NUP155: variants seen among roughly 807,000 people sequenced by gnomAD.
NUP155 encodes the protein nuclear pore complex protein Nup155.
NUP155 carries 71 observed loss-of-function variants against 180.4 expected under a neutral mutation model. The observed-to-expected ratio is 0.39, with a 90% CI of 0.33 to 0.48. The LOEUF (loss-of-function observed/expected upper bound fraction) is 0.48. Ranked by LOEUF, NUP155 falls within the 20% of genes least tolerant of loss-of-function variation. NUP155 has a pLI of 0.91. For missense variants in NUP155, 1,553 were observed against 1,648.9 expected (o/e 0.94, Z 1.01); for synonymous variants, 582 against 559.5 (o/e 1.04, Z -0.57).
chr5:37,369,754 C>T (rs1747842378), intron 1 of NUP155, among the ~76,000 whole-genome samples: 1 of 152,180 alleles, frequency 6.6e-6, no homozygotes, highest in Non-Finnish European at 1.5e-5. Flanking sequence ...GTTTACACTG[C>T]ACAAATTATC....
rs1342521412 is a variant in NUP155 at position 37,303,273 on chromosome 5, C to T, written c.3304G>A (p.Ala1102Thr). Reference sequence around the variant, plus strand: ...ATTATGCCATACCTATGCATGTCAGCCAGTCTGGACAGTACACGAGCAGCA... The same window carrying T: ...ATTATGCCATACCTATGCATGTCAGTCAGTCTGGACAGTACACGAGCAGCA... ...SNAARVLSRLADMHSTEISLQ... is the reference protein window; with the variant it reads ...SNAARVLSRLTDMHSTEISLQ... Residue 1102 changes from alanine to threonine, a missense_variant, in exon 28 of 35, where the codon GCT becomes ACT. Coordinates refer to ENST00000231498, the MANE Select transcript of NUP155 (RefSeq NM_153485.3). The T allele has an allele frequency of 1.9e-6, 3 of 1,614,056 alleles. No homozygotes were observed. The Admixed American group carries it at 5.0e-5, about 27-fold the overall frequency.
intron 20 of NUP155, among the ~76,000 whole-genome samples, chr5:37,319,915 G>T (rs1744134731): frequency 6.6e-6 from 1 of 152,070 alleles, no homozygotes; most frequent in African/African-American, 2.4e-5. Flanking sequence ...GGATGCAGTG[G>T]GTCATGCCTG....
At position 37,343,453 on chromosome 5, in the gene NUP155, C is replaced by T. The variant is rs879668003; in HGVS notation, c.996-807G>A. Among the ~76,000 whole-genome samples the T allele has an allele frequency of 1.2e-3, 189 of 152,266 alleles. 3 individuals are homozygous for T. Among genetic ancestry groups the T allele is most frequent in the East Asian group, 0.01 (52 of 5,184 alleles). ...ACAAGAGCAGCAAGAACTGGAAAAA[C>T]TCTGGAATGTGTATTTTTTACATTT... On this transcript the variant is annotated intron_variant, in intron 9 of 34. Coordinates refer to ENST00000231498, the MANE Select transcript of NUP155 (RefSeq NM_153485.3).
At chr5:37,348,927 T>C (rs1746281342) in intron 8 of NUP155, among the ~76,000 whole-genome samples, 1 of 152,070 alleles carries the variant, frequency 6.6e-6, no homozygotes, top group Non-Finnish European at 1.5e-5. Flanking sequence ...GGCTAATTTT[T>C]GTATTTTTAG....
intron 6 of NUP155, among the ~76,000 whole-genome samples, chr5:37,350,718 G>A (rs1047246539): frequency 6.6e-6 from 1 of 151,212 alleles, no homozygotes; most frequent in Non-Finnish European, 1.5e-5. Context: ...CAGGAGAACT[G>A]CTTAAACCCA....
rs1169857158 is a variant in NUP155, at chr5:37,314,320, G to C, written c.2314C>G (p.Leu772Val). The change falls in exon 22 of 35, where the codon CTA (leucine) becomes GTA (valine). Residue 772 changes from leucine to valine, a missense_variant. Physicochemically the swap from Leu to Val is conservative, Grantham distance 32 (BLOSUM62 1). Coordinates refer to ENST00000231498, the MANE Select transcript of NUP155 (RefSeq NM_153485.3). ...ELQRKFHEAQ[L>V]SEKISLQAIQ... ...GCCTGAAGTGAAATCTTTTCACTTA[G>C]TTGAGCCTCTAATGAGAAAACAAAA... The C allele has an allele frequency of 1.9e-6, 3 of 1,601,852 alleles. No individual in the cohort carries two copies. The highest frequency in any genetic ancestry group is 1.3e-5 in the African/African-American group (1 of 74,690).
chr5:37,308,216 C>T (rs1006488323), intron 24 of NUP155, among the ~76,000 whole-genome samples: 4 of 151,876 alleles, frequency 2.6e-5, no homozygotes, highest in African/African-American at 9.7e-5. Flanking sequence ...GTAAAACATA[C>T]AGTAATTGAA....
At chr5:37,295,010 T>C (rs1276250449) in intron 32 of NUP155, among the ~76,000 whole-genome samples, 1 of 152,200 alleles carries the variant, frequency 6.6e-6, no homozygotes, top group Non-Finnish European at 1.5e-5. Flanking sequence ...TAATTTTTTT[T>C]AGTAACAGTA....
intron 32 of NUP155, among the ~76,000 whole-genome samples, chr5:37,295,246 G>C (rs1012522139): frequency 6.6e-6 from 1 of 152,156 alleles, no homozygotes; most frequent in Non-Finnish European, 1.5e-5. Context: ...ACGGGGTTTT[G>C]CTGTGTTGGC....
intron 1 of NUP155, among the ~76,000 whole-genome samples, chr5:37,366,340 A>C (rs1169633365): frequency 6.6e-6 from 1 of 152,234 alleles, no homozygotes; most frequent in Non-Finnish European, 1.5e-5. Context: ...ATATAAGAAA[A>C]ATACAATAAA....
intron 1 of NUP155, among the ~76,000 whole-genome samples, chr5:37,366,390 T>G (rs941214229): frequency 2.6e-5 from 4 of 152,206 alleles, no homozygotes; most frequent in African/African-American, 7.2e-5. Flanking sequence ...ACCAGTAATA[T>G]CCCCAATCAT....
chr5:37,358,270 G>T, intron 3 of NUP155, 119 bp from the exon 4 acceptor site: 1 of 747,380 alleles, frequency 1.3e-6, no homozygotes, highest in South Asian at 1.4e-5. Context: ...CCTGAGCCCA[G>T]AAGTTCAAGA....
rs778197650 is a variant in NUP155 at position 37,307,440 on chromosome 5, G to A, written c.2768-8C>T. ...CACCCTCATAAAATCTCACTGATGG[G>A]AAAGAAAAGAATGAAGACCTATGAC... On this transcript the variant is annotated splice_polypyrimidine_tract_variant and splice_region_variant and intron_variant, in intron 24 of 34. Transcript: ENST00000231498. The A allele has an allele frequency of 6.2e-7, 1 of 1,613,718 alleles. No homozygotes were observed. Among genetic ancestry groups the A allele is most frequent in the Non-Finnish European group, 8.5e-7 (1 of 1,179,836 alleles).
At chr5:37,299,100 A>T (rs1182746043) in intron 31 of NUP155, 122 bp from the exon 32 acceptor site, 1 of 717,798 alleles carries the variant, frequency 1.4e-6, no homozygotes, top group East Asian at 2.7e-5. Context: ...CATTAATATG[A>T]TTAACAGATT....
intron 15 of NUP155, among the ~76,000 whole-genome samples, chr5:37,329,817 C>T (rs1479376717): frequency 6.6e-6 from 1 of 152,124 alleles, no homozygotes; most frequent in Non-Finnish European, 1.5e-5. Flanking sequence ...AGTTACAGAA[C>T]AGAATCCAGA....
At chr5:37,363,816 G>T in intron 3 of NUP155, 72 bp downstream of exon 3, 1 of 1,003,352 alleles carries the variant, frequency 1.0e-6, no homozygotes, top group Non-Finnish European at 1.6e-6. Context: ...AGCTTCTAAT[G>T]AGAACACTAG....
intron 13 of NUP155, among the ~76,000 whole-genome samples, chr5:37,332,928 C>A (rs1745074276): frequency 1.3e-5 from 2 of 151,640 alleles, no homozygotes; most frequent in African/African-American, 4.8e-5. Flanking sequence ...CACACTCCAG[C>A]CTGGGTGACA....
At chr5:37,305,596 T>C (rs1365230920) in intron 25 of NUP155, among the ~76,000 whole-genome samples, 2 of 152,056 alleles carry the variant, frequency 1.3e-5, no homozygotes, top group Non-Finnish European at 2.9e-5. Flanking sequence ...GCACAAGAAT[T>C]GCTTGAACCT....
In NUP155 at chr5:37,361,285, A is replaced by AAAG. The variant is rs397997410; in HGVS notation, c.392+2602_392+2603insCTT. ...TGTCTCAAAAAAAAAAAAAAAAAAAAGACAATGGCTGAACAGAAAAGGAGA... is the reference window on the plus strand; with the variant it reads ...TGTCTCAAAAAAAAAAAAAAAAAAAAAAGGACAATGGCTGAACAGAAAAGGAGA... On this transcript the variant is annotated intron_variant, in intron 3 of 34. Coordinates refer to ENST00000231498, the MANE Select transcript of NUP155 (RefSeq NM_153485.3). Among the ~76,000 whole-genome samples, 26 of 141,538 alleles carry AAAG rather than the reference A, an allele frequency of 1.8e-4. 2 individuals are homozygous for AAAG. The highest frequency in any genetic ancestry group is 7.6e-4 in the African/African-American group (25 of 33,092). The allele number at this position is 141,538 out of a possible 152,430, so 92.9% of individuals were successfully genotyped here. A position where few individuals can be genotyped will look rare whatever the true frequency, so the allele number is the denominator to read the frequency against.
Sources: gnomAD v4.1 joint callset for allele counts (sites outside exome capture counted in the v4.1 genomes callset) on GRCh38, gnomAD v4.1.1 for gene constraint, MANE v1.5 for transcripts, NCBI Gene and HGNC (gene_info 2026-07-23, HGNC 2026-07-21) for gene names.